Variants in KCNK9 observed in about 807,000 individuals in gnomAD.
The protein encoded by KCNK9 is potassium two pore domain channel subfamily K member 9.
Under a neutral mutation model 10.8 loss-of-function variants are expected in KCNK9, and 1 was observed. The ratio of observed to expected loss-of-function variants is 0.09; its 90% CI spans 0.03 to 0.44. The LOEUF is 0.44. Ranked by LOEUF, KCNK9 falls within the 20% of genes least tolerant of loss-of-function variation. The pLI, the probability that KCNK9 is intolerant of heterozygous loss-of-function variation, is 0.97. For missense variants in KCNK9, 303 were observed against 515.0 expected (o/e 0.59, Z 3.98); for synonymous variants, 231 against 222.7 (o/e 1.04, Z -0.33).
intron 1 of KCNK9, among the ~76,000 whole-genome samples, chr8:139,643,269 T>C (rs1374696384): frequency 6.6e-6 from 1 of 152,034 alleles, no homozygotes; most frequent in Non-Finnish European, 1.5e-5. Context: ...GCCCCCACCA[T>C]TGGTCTCCAC....
At chr8:139,621,308 A>T (rs1814770973) in intron 1 of KCNK9, among the ~76,000 whole-genome samples, 1 of 149,816 alleles carries the variant, frequency 6.7e-6, no homozygotes, top group African/African-American at 2.5e-5. Context: ...AAAAAAAAAT[A>T]GCCAAATTTG....
intron 1 of KCNK9, among the ~76,000 whole-genome samples, chr8:139,671,768 C>T (rs1816432830): frequency 6.6e-6 from 1 of 152,076 alleles, no homozygotes; most frequent in Non-Finnish European, 1.5e-5. Flanking sequence ...ACCATGTTGG[C>T]CGAGCTGGTC....
intron 1 of KCNK9, among the ~76,000 whole-genome samples, chr8:139,620,514 G>A (rs1048643282): frequency 2.6e-4 from 40 of 151,976 alleles, no homozygotes; most frequent in African/African-American, 8.5e-4. Context: ...ATCCTCTGCC[G>A]CTCCTTCCTG....
chr8:139,674,914 A>G (rs1007534836), intron 1 of KCNK9, among the ~76,000 whole-genome samples: 17 of 151,962 alleles, frequency 1.1e-4, no homozygotes, highest in African/African-American at 4.1e-4. Context: ...CTCCCCCCGA[A>G]GCCTTCCCCA....
intron 1 of KCNK9, among the ~76,000 whole-genome samples, chr8:139,672,857 G>A (rs1234084171): frequency 1.3e-5 from 2 of 152,240 alleles, no homozygotes; most frequent in South Asian, 2.1e-4. Flanking sequence ...CCAAGCCCCG[G>A]GGCACCTGCG....
intron 1 of KCNK9, among the ~76,000 whole-genome samples, chr8:139,671,135 G>C (rs936603482): frequency 1.1e-4 from 16 of 152,232 alleles, no homozygotes; most frequent in Non-Finnish European, 7.3e-5. Context: ...AGCAACCACA[G>C]GTCTGTCAAG....
At chr8:139,640,097 C>T (rs1345830842) in intron 1 of KCNK9, among the ~76,000 whole-genome samples, 1 of 152,100 alleles carries the variant, frequency 6.6e-6, no homozygotes, top group Non-Finnish European at 1.5e-5. Flanking sequence ...CCTCCCAGGC[C>T]AGGCTCGGAT....
At chr8:139,685,590 T>C (rs1230180290) in intron 1 of KCNK9, among the ~76,000 whole-genome samples, 3 of 152,216 alleles carry the variant, frequency 2.0e-5, no homozygotes, top group African/African-American at 4.8e-5. Context: ...TCTTCATCCA[T>C]GTCCCTGCAA....
intron 1 of KCNK9, among the ~76,000 whole-genome samples, chr8:139,682,746 G>A (rs966833749): frequency 1.3e-5 from 2 of 152,206 alleles, no homozygotes; most frequent in African/African-American, 2.4e-5. Flanking sequence ...CACAGGCCCT[G>A]GCCATCTCAG....
intron 1 of KCNK9, among the ~76,000 whole-genome samples, chr8:139,661,957 C>T (rs555797916): frequency 3.0e-4 from 46 of 152,340 alleles, no homozygotes; most frequent in African/African-American, 1.1e-3. Context: ...CCACAGTCCA[C>T]AGTGGATCCT....
chr8:139,676,777 C>T (rs557329109), intron 1 of KCNK9, among the ~76,000 whole-genome samples: 8 of 152,156 alleles, frequency 5.3e-5, no homozygotes, highest in Middle Eastern at 3.4e-3. Context: ...ATAGTGAAAC[C>T]CGTCTCTATT....
chr8:139,641,065 G>T (rs874746), intron 1 of KCNK9, among the ~76,000 whole-genome samples: 90,403 of 152,144 alleles, frequency 0.59, 27,359 homozygotes, highest in East Asian at 0.8. Flanking sequence ...GGGCCTGGCA[G>T]CAAGAAGCGG....
chr8:139,603,656 A>T (rs767317952), intron 2 of KCNK9, among the ~76,000 whole-genome samples: 2 of 152,212 alleles, frequency 1.3e-5, no homozygotes, highest in Non-Finnish European at 2.9e-5. Flanking sequence ...TGTGGTTTAC[A>T]GGCAGGAAGA....
At chr8:139,650,008 G>A (rs1815812805) in intron 1 of KCNK9, among the ~76,000 whole-genome samples, 1 of 152,188 alleles carries the variant, frequency 6.6e-6, no homozygotes, top group Non-Finnish European at 1.5e-5. Context: ...AGCAAGCCAG[G>A]CAGCTACCTG....
intron 1 of KCNK9, among the ~76,000 whole-genome samples, chr8:139,691,529 A>G (rs1816933551): frequency 6.6e-6 from 1 of 152,222 alleles, no homozygotes; most frequent in Non-Finnish European, 1.5e-5. Flanking sequence ...CACTACAGCC[A>G]GCAAACCCTT....
At chr8:139,659,289 C>A (rs1816094028) in intron 1 of KCNK9, among the ~76,000 whole-genome samples, 1 of 152,228 alleles carries the variant, frequency 6.6e-6, no homozygotes, top group South Asian at 2.1e-4. Context: ...TTTCCCTATG[C>A]ACTACAAGAG....
chr8:139,630,852 G>A (rs1815145830), intron 1 of KCNK9, among the ~76,000 whole-genome samples: 1 of 152,252 alleles, frequency 6.6e-6, no homozygotes, highest in Non-Finnish European at 1.5e-5. Flanking sequence ...AAACACAGAA[G>A]CCTGCAATCA....
chr8:139,629,276 G>A (rs1173433367), intron 1 of KCNK9, among the ~76,000 whole-genome samples: 2 of 152,184 alleles, frequency 1.3e-5, no homozygotes, highest in Non-Finnish European at 2.9e-5. Context: ...GGCGCCCCTG[G>A]GGAGGGCAGA....
chr8:139,652,445 A>ATTCCAGTGGTCTGCACTCAGGACTCC (rs1435611115), intron 1 of KCNK9, among the ~76,000 whole-genome samples: 3 of 152,100 alleles, frequency 2.0e-5, no homozygotes, highest in Admixed American at 6.6e-5. Context: ...ACACCTGGTC[A>ATTCCAGTGGTCTGCACTCAGGACTCC]CCCTGAGGCA....
Sources: allele counts gnomAD v4.1 joint callset (sites outside exome capture counted in the v4.1 genomes callset), GRCh38; gene constraint gnomAD v4.1.1; transcripts MANE v1.5; gene names NCBI Gene and HGNC (gene_info 2026-07-23, HGNC 2026-07-21).